The following PRKCE variants were observed in gnomAD, a reference collection of about 807,000 sequenced individuals.
PRKCE encodes protein kinase C epsilon.
Under a neutral mutation model 85.4 loss-of-function variants are expected in PRKCE, and 16 were observed. The ratio of observed to expected loss-of-function variants is 0.19; its 90% CI spans 0.13 to 0.28. PRKCE has a LOEUF of 0.28. PRKCE is among the 10% of genes least tolerant of loss of function. The pLI is 1.00. For synonymous variants in PRKCE, 388 were observed against 371.5 expected, an observed-to-expected ratio of 1.04 and a Z score of -0.51; for missense variants, 573 against 975.2, an observed-to-expected ratio of 0.59 and a Z score of 5.49.
At chr2:45,719,113 G>A (rs1038667100) in intron 1 of PRKCE, among the ~76,000 whole-genome samples, 3 of 152,200 alleles carry the variant, frequency 2.0e-5, no homozygotes, top group Non-Finnish European at 4.4e-5. Context: ...GAGAAGGCTC[G>A]AGGCATCTAT....
At chr2:46,081,062 A>G (rs1669025838) in intron 10 of PRKCE, among the ~76,000 whole-genome samples, 1 of 151,986 alleles carries the variant, frequency 6.6e-6, no homozygotes, top group Admixed American at 6.6e-5. Context: ...TGCGATCACA[A>G]CTCACTGAAG....
At position 46,138,427 on chromosome 2, in the gene PRKCE, G is replaced by A. The variant is rs1028854036; in HGVS notation, c.1593-6666G>A. 3.3e-5 allele frequency among the ~76,000 whole-genome samples: 5 copies of A among 152,222 alleles called. No individual in the cohort carries two copies. The highest frequency in any genetic ancestry group is 4.8e-5 in the African/African-American group (2 of 41,458). ...GACAAGTTACCTTTTCTGAGCCTCA[G>A]TTTCCTCATACATTTAAACATGTGG... On this transcript the variant is annotated intron_variant, in intron 11 of 14. Coordinates refer to ENST00000306156, the MANE Select transcript of PRKCE (RefSeq NM_005400.3). The surrounding 1 kb of genome is among the most constrained non-coding windows in gnomAD (Gnocchi z 4.2).
intron 1 of PRKCE, among the ~76,000 whole-genome samples, chr2:45,710,586 A>T (rs568172013): frequency 1.3e-5 from 2 of 152,346 alleles, no homozygotes; most frequent in African/African-American, 4.8e-5. Flanking sequence ...TTCCATTGCC[A>T]GGCCCCAGGC....
At chr2:46,161,325 G>A (rs936442332) in intron 14 of PRKCE, among the ~76,000 whole-genome samples, 15 of 152,202 alleles carry the variant, frequency 9.9e-5, no homozygotes, top group African/African-American at 3.4e-4. Flanking sequence ...CAGATGGTAG[G>A]GTGAATTTTA....
chr2:46,016,319 G>A (rs1183620228), intron 10 of PRKCE, among the ~76,000 whole-genome samples: 1 of 152,190 alleles, frequency 6.6e-6, no homozygotes, highest in African/African-American at 2.4e-5. Flanking sequence ...GGGTGTATGT[G>A]TGTGGTGGCG....
At chr2:45,710,976 TC>T (rs1437416105) in intron 1 of PRKCE, among the ~76,000 whole-genome samples, 1 of 152,230 alleles carries the variant, frequency 6.6e-6, no homozygotes, top group Admixed American at 6.5e-5. Flanking sequence ...AAAAACATAT[TC>T]CATCTGATCT....
intron 1 of PRKCE, among the ~76,000 whole-genome samples, chr2:45,801,575 A>C (rs1687872753): frequency 6.6e-6 from 1 of 152,152 alleles, no homozygotes; most frequent in South Asian, 2.1e-4. Flanking sequence ...GATATGTCCT[A>C]AACTCTGCAC....
intron 1 of PRKCE, among the ~76,000 whole-genome samples, chr2:45,674,114 A>G (rs1466982021): frequency 2.6e-5 from 4 of 152,180 alleles, no homozygotes; most frequent in Admixed American, 2.6e-4. Flanking sequence ...ACTTGCAAAG[A>G]TGTAAGCGTG....
At chr2:45,840,087 C>T (rs553909514) in intron 1 of PRKCE, among the ~76,000 whole-genome samples, 3 of 152,318 alleles carry the variant, frequency 2.0e-5, no homozygotes, top group South Asian at 2.1e-4. Flanking sequence ...CCCCGAAGCC[C>T]ATCTCATTCC....
intron 1 of PRKCE, among the ~76,000 whole-genome samples, chr2:45,743,757 C>T (rs570141170): frequency 6.6e-6 from 1 of 152,298 alleles, no homozygotes; most frequent in South Asian, 2.1e-4. Flanking sequence ...AGTCCAGATA[C>T]TTTGAGCCAA....
intron 6 of PRKCE, among the ~76,000 whole-genome samples, chr2:45,988,238 C>A (rs1185172471): frequency 6.6e-6 from 1 of 152,172 alleles, no homozygotes; most frequent in Non-Finnish European, 1.5e-5. Context: ...CATTCCCGTT[C>A]CCATTCCTGG....
rs1168790646 is a variant in PRKCE at position 46,139,730 on chromosome 2, A to C, written c.1593-5363A>C. Among the ~76,000 whole-genome samples the C allele has an allele frequency of 6.6e-6, 1 of 151,668 alleles. No individual in the cohort carries two copies. Among genetic ancestry groups the C allele is most frequent in the African/African-American group, 2.4e-5 (1 of 41,286 alleles). ...TATATACATATATACATATACATATATATCTAGAGAGAGAGAGAGAGAATA... is the reference window on the plus strand; with the variant it reads ...TATATACATATATACATATACATATCTATCTAGAGAGAGAGAGAGAGAATA... On this transcript the variant is annotated intron_variant, in intron 11 of 14. Transcript: ENST00000306156. This position sits in a 1 kb window ranked among gnomAD's most constrained non-coding sequence, Gnocchi z 5.2.
rs915727792 is a variant in PRKCE, at chr2:45,946,974, A to T, written c.413-29455A>T. Reference sequence around the variant, plus strand: ...CCAGTAGACCTAGACTCTATGAGATATTCAGCTTCTCATCTTTCAGCACCC... The same window carrying T: ...CCAGTAGACCTAGACTCTATGAGATTTTCAGCTTCTCATCTTTCAGCACCC... On this transcript the variant is annotated intron_variant, in intron 2 of 14. Transcript: ENST00000306156. Among the ~76,000 whole-genome samples the T allele has an allele frequency of 5.3e-5, 8 of 152,244 alleles. No individual in the cohort carries two copies. The South Asian group carries it at 1.7e-3, about 31-fold the overall frequency.
chr2:45,963,501 G>C (rs1574042839), intron 2 of PRKCE, among the ~76,000 whole-genome samples: 2 of 152,222 alleles, frequency 1.3e-5, no homozygotes, highest in African/African-American at 4.8e-5. Context: ...TAGAGACAGG[G>C]TTTCGCCATG....
chr2:46,160,943 G>A (rs775748843), intron 14 of PRKCE, among the ~76,000 whole-genome samples: 4 of 152,218 alleles, frequency 2.6e-5, no homozygotes, highest in South Asian at 2.1e-4. Flanking sequence ...GAACATCCCC[G>A]GATGCTTGGT....
chr2:45,771,005 T>C (rs1333648155), intron 1 of PRKCE: 1 of 152,222 alleles, frequency 6.6e-6, no homozygotes, highest in Admixed American at 6.5e-5. Flanking sequence ...CTTACAAAGC[T>C]GCTGTAGTGT....
chr2:45,931,228 T>C (rs1439447801), intron 2 of PRKCE, among the ~76,000 whole-genome samples: 2 of 152,232 alleles, frequency 1.3e-5, no homozygotes, highest in Non-Finnish European at 2.9e-5. Flanking sequence ...TCTAGTATTA[T>C]GGTGTATTGC....
chr2:46,129,391 T>C (rs2104394595), intron 11 of PRKCE, among the ~76,000 whole-genome samples: 1 of 152,342 alleles, frequency 6.6e-6, no homozygotes, highest in Admixed American at 6.5e-5. Context: ...TCTCAGCATG[T>C]ACGTTCACAG....
At chr2:45,942,410 C>G (rs1434459063) in intron 2 of PRKCE, among the ~76,000 whole-genome samples, 1 of 152,158 alleles carries the variant, frequency 6.6e-6, no homozygotes, top group African/African-American at 2.4e-5. Context: ...ATGTTCCTCC[C>G]TGAAATCCAT....
Sources: allele counts gnomAD v4.1 joint callset (sites outside exome capture counted in the v4.1 genomes callset), GRCh38; gene constraint gnomAD v4.1.1; non-coding constraint Gnocchi (gnomAD v3.1); transcripts MANE v1.5; gene names NCBI Gene and HGNC (gene_info 2026-07-23, HGNC 2026-07-21).